Variants in PALM2AKAP2 observed in about 807,000 individuals in gnomAD.
The protein encoded by PALM2AKAP2 is PALM2-AKAP2 fusion protein.
PALM2AKAP2 carries 37 observed loss-of-function variants against 71.5 expected under a neutral mutation model. The observed-to-expected ratio is 0.52, with a 90% CI of 0.40 to 0.68. PALM2AKAP2 has a LOEUF of 0.68. Ranked by LOEUF, PALM2AKAP2 falls within the 30% of genes least tolerant of loss-of-function variation. PALM2AKAP2 has a pLI of 0.00. For missense variants in PALM2AKAP2, 1,224 were observed against 1,191.8 expected (o/e 1.03, Z -0.40); for synonymous variants, 468 against 478.8 (o/e 0.98, Z 0.29).
chr9:109,739,846 C>T (rs1828692109), intron 1 of PALM2AKAP2, among the ~76,000 whole-genome samples: 2 of 152,210 alleles, frequency 1.3e-5, no homozygotes, highest in Non-Finnish European at 2.9e-5. Context: ...GGGCAACTCC[C>T]AGGGCTTTTG....
intron 2 of PALM2AKAP2, among the ~76,000 whole-genome samples, chr9:110,155,394 T>C (rs1325003370): frequency 6.6e-6 from 1 of 152,176 alleles, no homozygotes; most frequent in African/African-American, 2.4e-5. Flanking sequence ...TTCTCAGAAG[T>C]GCATTTGGGG....
At chr9:110,090,768 A>G (rs143128986) in intron 1 of PALM2AKAP2, among the ~76,000 whole-genome samples, 1 of 152,292 alleles carries the variant, frequency 6.6e-6, no homozygotes, top group East Asian at 1.9e-4. Context: ...TTCAACTTAT[A>G]TAGCATTTTT....
rs562624250 is a variant in PALM2AKAP2, at chr9:109,941,502, TA to T, written c.496+9475del. On this transcript the variant is annotated intron_variant, in intron 6 of 9. Transcript: ENST00000302798. ...TTCTCAGGCCTGTGGCTTGAGAGAC[TA>T]GGTAGCAGTGCTGCTGTTATTTGGC... Among the ~76,000 whole-genome samples, 685 of 152,322 alleles carry T rather than the reference TA, an allele frequency of 4.5e-3. 1 individual carries two copies. The highest frequency in any genetic ancestry group is 6.4e-3 in the Non-Finnish European group (432 of 68,012).
intron 1 of PALM2AKAP2, among the ~76,000 whole-genome samples, chr9:109,740,381 A>T (rs1828699793): frequency 6.6e-6 from 1 of 152,158 alleles, no homozygotes; most frequent in African/African-American, 2.4e-5. Flanking sequence ...GATGGTGCTG[A>T]TTGGGATGGT....
chr9:109,760,781 C>T (rs956281083), intron 1 of PALM2AKAP2, among the ~76,000 whole-genome samples: 4 of 152,158 alleles, frequency 2.6e-5, no homozygotes, highest in African/African-American at 9.7e-5. Context: ...AAGTATCTGT[C>T]CTTCAGATCC....
At chr9:110,137,194 G>C (rs764073167) in exon 2 of PALM2AKAP2, 1 of 1,614,078 alleles carries the variant, frequency 6.2e-7, no homozygotes, top group Non-Finnish European at 8.5e-7. Context: ...TTGTCACAGA[G>C]CAGATAGATT....
At chr9:109,806,341 T>TTA (rs2131419252) in intron 1 of PALM2AKAP2, among the ~76,000 whole-genome samples, 1 of 152,314 alleles carries the variant, frequency 6.6e-6, no homozygotes, top group East Asian at 1.9e-4. Flanking sequence ...TGCATCTGAG[T>TTA]TTATGTAATT....
intron 1 of PALM2AKAP2, among the ~76,000 whole-genome samples, chr9:109,825,689 GCA>G (rs1828129561): frequency 6.6e-6 from 1 of 152,156 alleles, no homozygotes; most frequent in Non-Finnish European, 1.5e-5. Context: ...AGTTAGAATG[GCA>G]GTCATTAAAA....
chr9:110,114,340 A>G (rs1835315209), intron 1 of PALM2AKAP2, among the ~76,000 whole-genome samples: 1 of 152,134 alleles, frequency 6.6e-6, no homozygotes, highest in Non-Finnish European at 1.5e-5. Context: ...TTATAAAGAC[A>G]CCAGTCACTG....
At chr9:109,916,132 C>T (rs1050535112) in intron 3 of PALM2AKAP2, among the ~76,000 whole-genome samples, 4 of 152,118 alleles carry the variant, frequency 2.6e-5, no homozygotes, top group Admixed American at 2.0e-4. Context: ...TTAGTAGAGA[C>T]GGAGTTTCAC....
At chr9:110,024,835 T>C (rs1833146702) in intron 7 of PALM2AKAP2, 2 of 705,422 alleles carry the variant, frequency 2.8e-6, no homozygotes, top group African/African-American at 3.6e-5. Context: ...GTTTTTTTTT[T>C]TTAACAGCCC....
chr9:109,702,307 G>A (rs1351063909), intron 1 of PALM2AKAP2, among the ~76,000 whole-genome samples: 1 of 152,128 alleles, frequency 6.6e-6, no homozygotes, highest in South Asian at 2.1e-4. Flanking sequence ...TTTTATTGTG[G>A]CACTATTCAC....
chr9:110,119,140 C>T (rs1341209103), intron 1 of PALM2AKAP2, among the ~76,000 whole-genome samples: 3 of 151,774 alleles, frequency 2.0e-5, no homozygotes, highest in African/African-American at 4.8e-5. Context: ...GTCAAGAGAT[C>T]GAGACCATCC....
chr9:110,077,821 C>G (rs922447486), intron 1 of PALM2AKAP2, among the ~76,000 whole-genome samples: 1 of 152,226 alleles, frequency 6.6e-6, no homozygotes, highest in East Asian at 1.9e-4. Context: ...CGAGACCAGC[C>G]TGACCAACAT....
At chr9:109,693,527 A>G (rs989765687) in intron 1 of PALM2AKAP2, among the ~76,000 whole-genome samples, 3 of 151,938 alleles carry the variant, frequency 2.0e-5, no homozygotes, top group African/African-American at 4.8e-5. Flanking sequence ...CTGGTCCCGT[A>G]AGGTGGAAGA....
rs978338608 is a variant in PALM2AKAP2 at position 109,720,312 on chromosome 9, G to A, written c.6-60176G>A. Among the ~76,000 whole-genome samples the A allele has an allele frequency of 4.6e-5, 7 of 151,220 alleles. No homozygotes were observed. The South Asian group carries it at 1.3e-3, about 27-fold the overall frequency. On this transcript the variant is annotated intron_variant, in intron 1 of 6. Coordinates refer to the PALM2AKAP2 transcript ENST00000374531. ...CCTATATTTTCATTCTTTAGTTCTT[G>A]TAAAAAAAAAATTCAGAATAAATGA...
exon 2 of PALM2AKAP2, chr9:110,136,709 A>G (rs1835882587): frequency 1.8e-5 from 29 of 1,614,036 alleles, no homozygotes; most frequent in Non-Finnish European, 2.5e-5. Context: ...CTCCACAACC[A>G]GCTCACGGTG....
intron 1 of PALM2AKAP2, among the ~76,000 whole-genome samples, chr9:109,765,195 G>A (rs1188788429): frequency 6.6e-6 from 1 of 152,210 alleles, no homozygotes; most frequent in Non-Finnish European, 1.5e-5. Context: ...TCCACCCCCA[G>A]AGATTCTGAT....
intron 3 of PALM2AKAP2, among the ~76,000 whole-genome samples, chr9:109,908,268 C>G (rs912044398): frequency 1.3e-5 from 2 of 152,214 alleles, no homozygotes; most frequent in African/African-American, 4.8e-5. Context: ...CAGCAGCTCC[C>G]TTTGATCAAG....
Sources: allele counts gnomAD v4.1 joint callset (sites outside exome capture counted in the v4.1 genomes callset), GRCh38; gene constraint gnomAD v4.1.1; transcripts MANE v1.5; gene names NCBI Gene and HGNC (gene_info 2026-07-23, HGNC 2026-07-21).